PPFIA2: variants seen among roughly 807,000 people sequenced by gnomAD.
PPFIA2 encodes the protein liprin-alpha-2.
PPFIA2 carries 46 observed loss-of-function variants against 175.5 expected under a neutral mutation model. The observed-to-expected ratio is 0.26, with a 90% CI of 0.21 to 0.34. The LOEUF is 0.34. PPFIA2 is among the 10% of genes least tolerant of loss of function. PPFIA2 has a pLI of 1.00. For missense variants in PPFIA2, 1,179 were observed against 1,506.1 expected (o/e 0.78, Z 3.60); for synonymous variants, 568 against 511.4 (o/e 1.11, Z -1.49).
chr12:81,687,201 A>T (rs746886193), intron 3 of PPFIA2, among the ~76,000 whole-genome samples: 1 of 152,074 alleles, frequency 6.6e-6, no homozygotes, highest in African/African-American at 2.4e-5. Context: ...CCCCATTCCC[A>T]GGAAGGAAAG....
intron 3 of PPFIA2, among the ~76,000 whole-genome samples, chr12:81,695,259 C>A (rs1016519449): frequency 3.9e-5 from 6 of 152,122 alleles, no homozygotes; most frequent in African/African-American, 9.7e-5. Flanking sequence ...TATTTGTCCC[C>A]ACCCTACTTT....
At chr12:81,733,578 T>C (rs1252960588) in intron 3 of PPFIA2, among the ~76,000 whole-genome samples, 1 of 151,656 alleles carries the variant, frequency 6.6e-6, no homozygotes, top group Non-Finnish European at 1.5e-5. Context: ...TTTTCTGAGA[T>C]TTTATCTATA....
In PPFIA2 at chr12:81,443,924, G is replaced by A. The variant is rs1341570419; in HGVS notation, c.570+1632C>T. Among the ~76,000 whole-genome samples, 5 of 139,784 alleles carry A rather than the reference G, an allele frequency of 3.6e-5. No homozygotes were observed. In the Admixed American group the frequency reaches 3.7e-4, roughly 10 times the overall value. The allele number at this position is 139,784 out of a possible 152,430, so 91.7% of individuals were successfully genotyped here. ...GGCTGGAGTGCAGTGGCGCGATCTG[G>A]GCTCACTGCAAGCTCCACCTCCCGG... On this transcript the variant is annotated intron_variant, in intron 6 of 32. Coordinates refer to ENST00000549396, the MANE Select transcript of PPFIA2 (RefSeq NM_003625.5).
intron 3 of PPFIA2, among the ~76,000 whole-genome samples, chr12:81,708,964 T>C (rs552010235): frequency 6.6e-6 from 1 of 152,322 alleles, no homozygotes; most frequent in African/African-American, 2.4e-5. Flanking sequence ...ATTGTTCTCT[T>C]CTTTTGTTAC....
chr12:81,341,777 C>T (rs1215236274), intron 19 of PPFIA2, among the ~76,000 whole-genome samples: 1 of 151,974 alleles, frequency 6.6e-6, no homozygotes, highest in Non-Finnish European at 1.5e-5. Context: ...AAACTCTTTA[C>T]AAAAAGGTAT....
intron 4 of PPFIA2, among the ~76,000 whole-genome samples, chr12:81,664,904 G>A (rs1052575842): frequency 6.6e-6 from 1 of 151,932 alleles, no homozygotes; most frequent in Non-Finnish European, 1.5e-5. Context: ...GGATGAAGCT[G>A]GAAACCATCA....
At chr12:81,576,691 T>C (rs2073618423) in intron 4 of PPFIA2, among the ~76,000 whole-genome samples, 1 of 151,876 alleles carries the variant, frequency 6.6e-6, no homozygotes, top group Admixed American at 6.6e-5. Context: ...ATACAAATTT[T>C]ATAAGTAGCT....
intron 4 of PPFIA2, among the ~76,000 whole-genome samples, chr12:81,565,634 G>T (rs2071128784): frequency 6.6e-6 from 1 of 151,996 alleles, no homozygotes; most frequent in Non-Finnish European, 1.5e-5. Context: ...TGTGTGTTTT[G>T]CCACCACTTC....
At chr12:81,269,380 C>T (rs763649671) in intron 28 of PPFIA2, among the ~76,000 whole-genome samples, 2 of 152,096 alleles carry the variant, frequency 1.3e-5, no homozygotes, top group Non-Finnish European at 2.9e-5. Flanking sequence ...AATGAAGTGC[C>T]TAGCTCTTTC....
chr12:81,399,290 CAAAAAAAAA>C (rs543794696), intron 8 of PPFIA2, among the ~76,000 whole-genome samples: 14 of 41,998 alleles, frequency 3.3e-4, no homozygotes, highest in Non-Finnish European at 6.7e-4. Context: ...TCCTTCTTCA[CAAAAAAAAA>C]AAAAAAAAAA....
At chr12:81,490,428 C>A (rs960841424) in intron 4 of PPFIA2, among the ~76,000 whole-genome samples, 2 of 151,870 alleles carry the variant, frequency 1.3e-5, no homozygotes, top group African/African-American at 2.4e-5. Flanking sequence ...TGTCTCTCAC[C>A]ATTTTGCCAC....
At chr12:81,628,379 T>A (rs1364209542) in intron 4 of PPFIA2, among the ~76,000 whole-genome samples, 1 of 126,894 alleles carries the variant, frequency 7.9e-6, no homozygotes, top group Non-Finnish European at 1.6e-5. Flanking sequence ...CTTTTACCTT[T>A]TTTTTTTTTT....
At chr12:81,339,415 G>A in intron 20 of PPFIA2, 81 bp from the exon 21 acceptor site, 3 of 1,119,608 alleles carry the variant, frequency 2.7e-6, no homozygotes, top group South Asian at 3.0e-5. Context: ...TGCACCAAAG[G>A]AGGAACAAGC....
intron 7 of PPFIA2, among the ~76,000 whole-genome samples, chr12:81,432,511 G>T (rs1276430089): frequency 2.7e-5 from 4 of 148,620 alleles, no homozygotes; most frequent in Admixed American, 1.3e-4. Flanking sequence ...TGTCACCCAG[G>T]TTGGAGTGCA....
At chr12:81,614,136 C>G (rs905459469) in intron 4 of PPFIA2, among the ~76,000 whole-genome samples, 1 of 151,932 alleles carries the variant, frequency 6.6e-6, no homozygotes, top group Non-Finnish European at 1.5e-5. Flanking sequence ...AGGGACATGC[C>G]CCTTTGCATT....
chr12:81,274,743 T>C (rs2040063619), intron 28 of PPFIA2, among the ~76,000 whole-genome samples: 1 of 152,206 alleles, frequency 6.6e-6, no homozygotes, highest in Non-Finnish European at 1.5e-5. Context: ...TAATTCACAC[T>C]TCAGATAATA....
intron 4 of PPFIA2, among the ~76,000 whole-genome samples, chr12:81,532,244 T>G (rs1364372333): frequency 6.6e-6 from 1 of 151,764 alleles, no homozygotes; most frequent in Non-Finnish European, 1.5e-5. Flanking sequence ...TATATACCCT[T>G]GGGTTGTGGG....
intron 4 of PPFIA2, among the ~76,000 whole-genome samples, chr12:81,539,202 C>T (rs2400954): frequency 0.65 from 98,389 of 151,702 alleles, 32,111 homozygotes; most frequent in East Asian, 0.76. Context: ...GATACGTCAA[C>T]TGAGATGCCT....
At chr12:81,297,784 G>A (rs370253261) in intron 23 of PPFIA2, among the ~76,000 whole-genome samples, 15 of 152,200 alleles carry the variant, frequency 9.9e-5, no homozygotes, top group East Asian at 1.9e-4. Flanking sequence ...TCTTTGATGC[G>A]GATAAATGGC....
Sources: allele counts gnomAD v4.1 joint callset (sites outside exome capture counted in the v4.1 genomes callset), GRCh38; gene constraint gnomAD v4.1.1; transcripts MANE v1.5; gene names NCBI Gene and HGNC (gene_info 2026-07-23, HGNC 2026-07-21).